TAFA2: variants seen among roughly 807,000 people sequenced by gnomAD.
The protein encoded by TAFA2 is chemokine-like protein TAFA-2.
TAFA2 carries 7 observed loss-of-function variants against 18.8 expected under a neutral mutation model. The observed-to-expected ratio is 0.37, with a 90% confidence interval of 0.21 to 0.70. The LOEUF (loss-of-function observed/expected upper bound fraction) is 0.70. Ranked by LOEUF, TAFA2 falls within the 30% of genes least tolerant of loss-of-function variation. The pLI is 0.53. For missense variants in TAFA2, 122 were observed against 158.1 expected (o/e 0.77, Z 1.23); for synonymous variants, 60 against 54.2 (o/e 1.11, Z -0.47).
At chr12:62,257,830 T>G (rs1379378265) in intron 1 of TAFA2, among the ~76,000 whole-genome samples, 1 of 152,198 alleles carries the variant, frequency 6.6e-6, no homozygotes, top group Non-Finnish European at 1.5e-5. Flanking sequence ...TTCTCATCAA[T>G]TTATCTACTT....
At chr12:61,903,713 T>C (rs116078902) in intron 1 of TAFA2, among the ~76,000 whole-genome samples, 158 of 152,342 alleles carry the variant, frequency 1.0e-3, no homozygotes, top group Middle Eastern at 0.01. Flanking sequence ...CGTGCTATTC[T>C]TTAATTTTAA....
intron 1 of TAFA2, among the ~76,000 whole-genome samples, chr12:62,219,449 CAGTT>C (rs1462809146): frequency 1.3e-5 from 2 of 152,124 alleles, no homozygotes; most frequent in African/African-American, 4.8e-5. Context: ...ATTAAATCTA[CAGTT>C]AGTCTAAATC....
intron 2 of TAFA2, among the ~76,000 whole-genome samples, chr12:61,779,090 C>A (rs1287305942): frequency 6.6e-6 from 1 of 151,882 alleles, no homozygotes; most frequent in Non-Finnish European, 1.5e-5. Context: ...AAACAAACCA[C>A]ATTTATCATC....
chr12:61,871,640 G>A (rs1874607216), intron 1 of TAFA2, among the ~76,000 whole-genome samples: 1 of 152,218 alleles, frequency 6.6e-6, no homozygotes, highest in African/African-American at 2.4e-5. Context: ...CCCTGGCAGT[G>A]AAGGATGTTG....
chr12:61,923,174 C>G lies in TAFA2; in HGVS notation c.-1-55748G>C, dbSNP rs140348835. ...GAGGCGGCTGTAGGTGCAGCTTCAG[C>G]AGATGTTCCTGCCTGTCGGCTCTAA... On this transcript the variant is annotated intron_variant, in intron 1 of 4. Transcript: ENST00000416284. 6.2e-3 allele frequency among the ~76,000 whole-genome samples: 946 copies of G among 152,280 alleles called. 7 individuals are homozygous for G. The highest frequency in any genetic ancestry group is 9.2e-3 in the Non-Finnish European group (624 of 67,986).
At chr12:62,049,142 T>C (rs1378334072) in intron 1 of TAFA2, among the ~76,000 whole-genome samples, 2 of 152,306 alleles carry the variant, frequency 1.3e-5, no homozygotes, top group Non-Finnish European at 2.9e-5. Flanking sequence ...ATATGTCTTC[T>C]AGGGAGGTGG....
intron 1 of TAFA2, among the ~76,000 whole-genome samples, chr12:61,885,103 T>C (rs1435322226): frequency 6.6e-6 from 1 of 152,190 alleles, no homozygotes; most frequent in Non-Finnish European, 1.5e-5. Flanking sequence ...GTGAGTAAGA[T>C]GTTTTTCCCT....
chr12:61,883,013 C>T (rs944837833), intron 1 of TAFA2, among the ~76,000 whole-genome samples: 16 of 152,162 alleles, frequency 1.1e-4, no homozygotes, highest in African/African-American at 3.6e-4. Context: ...AAACTACAAC[C>T]TAACTGATCA....
chr12:62,217,772 C>A (rs2062741782), intron 1 of TAFA2, among the ~76,000 whole-genome samples: 1 of 152,164 alleles, frequency 6.6e-6, no homozygotes, highest in African/African-American at 2.4e-5. Flanking sequence ...ATATCGATCC[C>A]AAGGACATTC....
chr12:61,829,129 G>C (rs193210500), intron 2 of TAFA2, among the ~76,000 whole-genome samples: 14 of 151,762 alleles, frequency 9.2e-5, no homozygotes, highest in African/African-American at 3.4e-4. Flanking sequence ...AAAAGTCTCA[G>C]GACACATTTG....
At chr12:62,005,808 T>C (rs766008223) in intron 1 of TAFA2, among the ~76,000 whole-genome samples, 5 of 152,088 alleles carry the variant, frequency 3.3e-5, no homozygotes, top group Non-Finnish European at 5.9e-5. Flanking sequence ...TGCCCTAAGT[T>C]GCACAAATAG....
chr12:61,906,308 G>T lies in TAFA2; in HGVS notation c.-1-38882C>A, dbSNP rs150011907. Among the ~76,000 whole-genome samples the T allele has an allele frequency of 2.6e-3, 394 of 152,260 alleles. 2 individuals are homozygous for T. Among genetic ancestry groups the T allele is most frequent in the African/African-American group, 8.8e-3 (367 of 41,554 alleles). ...AGTGGGAGGTAACTGAATCATGGGG[G>T]TGGGTTTTTCCTGTGCAGTTCTCAT... On this transcript the variant is annotated intron_variant, in intron 1 of 4. Transcript: ENST00000416284.
At chr12:62,246,575 GT>G (rs1167002344) in intron 1 of TAFA2, among the ~76,000 whole-genome samples, 2 of 152,214 alleles carry the variant, frequency 1.3e-5, no homozygotes, top group Non-Finnish European at 2.9e-5. Context: ...TGCTTTATGA[GT>G]TTTTAAAACA....
At chr12:61,912,924 G>T (rs1331885593) in intron 1 of TAFA2, among the ~76,000 whole-genome samples, 1 of 152,132 alleles carries the variant, frequency 6.6e-6, no homozygotes, top group Non-Finnish European at 1.5e-5. Flanking sequence ...CTCTAGGTCT[G>T]GGTCATAGAG....
At chr12:61,859,921 TA>T (rs1355338297) in intron 2 of TAFA2, among the ~76,000 whole-genome samples, 1 of 152,196 alleles carries the variant, frequency 6.6e-6, no homozygotes, top group Non-Finnish European at 1.5e-5. Context: ...GTGTTTTATT[TA>T]CTATGATATA....
chr12:61,762,631 T>TATATATA (rs1555162973), intron 2 of TAFA2, among the ~76,000 whole-genome samples: 1 of 44,664 alleles, frequency 2.2e-5, no homozygotes, highest in Non-Finnish European at 5.0e-5. Context: ...TAATTTCATT[T>TATATATA]TTTATATATA....
chr12:61,722,071 T>C (rs1869930170), intron 4 of TAFA2, among the ~76,000 whole-genome samples: 1 of 152,238 alleles, frequency 6.6e-6, no homozygotes, highest in African/African-American at 2.4e-5. Flanking sequence ...GAGGAAAATA[T>C]GAGTAACAAT....
intron 1 of TAFA2, among the ~76,000 whole-genome samples, chr12:61,923,056 C>A (rs1877124662): frequency 1.3e-5 from 2 of 152,174 alleles, no homozygotes; most frequent in South Asian, 4.1e-4. Context: ...TTCCTCCTCT[C>A]TGGGCAGGGC....
chr12:62,164,959 A>T (rs188713404), intron 1 of TAFA2, among the ~76,000 whole-genome samples: 1 of 152,230 alleles, frequency 6.6e-6, no homozygotes, highest in East Asian at 1.9e-4. Flanking sequence ...GAGAAATTAA[A>T]TGATTTTCCC....
Sources: allele counts gnomAD v4.1 joint callset (sites outside exome capture counted in the v4.1 genomes callset), GRCh38; gene constraint gnomAD v4.1.1; transcripts MANE v1.5; gene names NCBI Gene and HGNC (gene_info 2026-07-23, HGNC 2026-07-21).